Variants in CCDC7 observed in about 807,000 individuals in gnomAD.
CCDC7 encodes coiled-coil domain-containing protein 7.
Under a neutral mutation model 196.9 loss-of-function variants are expected in CCDC7, and 183 were observed. The observed-to-expected ratio is 0.93, with a 90% CI of 0.82 to 1.05. The LOEUF (loss-of-function observed/expected upper bound fraction) is 1.05. Ranked by LOEUF, CCDC7 falls within the 50% of genes least tolerant of loss-of-function variation. CCDC7 has a pLI of 0.00. For missense variants in CCDC7, 1,540 were observed against 1,482.2 expected, an observed-to-expected ratio of 1.04 and a Z score of -0.64; for synonymous variants, 525 against 484.6, an observed-to-expected ratio of 1.08 and a Z score of -1.10.
At chr10:32,606,199 C>A (rs1352423650) in intron 18 of CCDC7, among the ~76,000 whole-genome samples, 1 of 152,190 alleles carries the variant, frequency 6.6e-6, no homozygotes, top group Non-Finnish European at 1.5e-5. Context: ...TGGTGTTAAG[C>A]CTGTAGCTGA....
intron 21 of CCDC7, among the ~76,000 whole-genome samples, chr10:32,671,955 G>A (rs2074141752): frequency 6.6e-6 from 1 of 152,192 alleles, no homozygotes; most frequent in South Asian, 2.1e-4. Context: ...AAGTTCTTCT[G>A]ATTTCTTTTT....
intron 32 of CCDC7, among the ~76,000 whole-genome samples, chr10:32,832,237 C>T (rs186223052): frequency 6.6e-6 from 1 of 152,184 alleles, no homozygotes; most frequent in East Asian, 1.9e-4. Flanking sequence ...TGCAGTGGCT[C>T]ATGCTTGTAA....
At chr10:32,512,982 A>G (rs1196018481) in intron 9 of CCDC7, 1 of 152,150 alleles carries the variant, frequency 6.6e-6, no homozygotes. Flanking sequence ...ATATAATAGA[A>G]ATTTCCCCCT....
intron 18 of CCDC7, among the ~76,000 whole-genome samples, chr10:32,620,487 A>G (rs1402296880): frequency 6.7e-6 from 1 of 150,026 alleles, no homozygotes; most frequent in Non-Finnish European, 1.5e-5. Context: ...TTTCTGTTTT[A>G]TAGTTACCCT....
chr10:32,868,558 T>A (rs1175390855), intron 41 of CCDC7, among the ~76,000 whole-genome samples: 1 of 151,950 alleles, frequency 6.6e-6, no homozygotes, highest in East Asian at 1.9e-4. Context: ...TTTTAGCATT[T>A]ATCAGCACAT....
chr10:32,578,110 C>T (rs2058400117), intron 16 of CCDC7, among the ~76,000 whole-genome samples: 2 of 152,132 alleles, frequency 1.3e-5, no homozygotes, highest in South Asian at 2.1e-4. Flanking sequence ...GATGCCTAGA[C>T]CTCTTCCAAG....
At chr10:32,470,928 T>A in intron 5 of CCDC7, 136 bp from the exon 7 acceptor site, 1 of 759,528 alleles carries the variant, frequency 1.3e-6, no homozygotes, top group Non-Finnish European at 1.9e-6. Context: ...AAATATTGTA[T>A]CATTACTTGG....
intron 18 of CCDC7, among the ~76,000 whole-genome samples, chr10:32,624,353 AGGC>A (rs1199628283): frequency 6.6e-6 from 1 of 152,218 alleles, no homozygotes; most frequent in African/African-American, 2.4e-5. Flanking sequence ...AAAGAGCTGC[AGGC>A]TTAGCATACA....
chr10:32,758,335 G>A (rs1265907540), intron 28 of CCDC7, among the ~76,000 whole-genome samples: 2 of 152,104 alleles, frequency 1.3e-5, no homozygotes, highest in African/African-American at 2.4e-5. Context: ...GATGAGCATT[G>A]ATGCAAAAAT....
At chr10:32,830,683 A>T (rs2092074116) in intron 32 of CCDC7, among the ~76,000 whole-genome samples, 1 of 152,188 alleles carries the variant, frequency 6.6e-6, no homozygotes. Flanking sequence ...CGTTGATAGT[A>T]CAATAACTGA....
intron 32 of CCDC7, among the ~76,000 whole-genome samples, chr10:32,832,483 A>G (rs915134156): frequency 1.3e-5 from 2 of 151,820 alleles, no homozygotes; most frequent in African/African-American, 4.8e-5. Context: ...ATCTTGGGGG[A>G]AAAAAAACCC....
chr10:32,847,071 G>A (rs1251586942), intron 37 of CCDC7, among the ~76,000 whole-genome samples: 3 of 152,132 alleles, frequency 2.0e-5, no homozygotes, highest in African/African-American at 7.2e-5. Flanking sequence ...AGACACATTC[G>A]AAGCCGGCCC....
At chr10:32,868,109 T>G (rs915103614) in intron 41 of CCDC7, among the ~76,000 whole-genome samples, 1 of 151,994 alleles carries the variant, frequency 6.6e-6, no homozygotes, top group African/African-American at 2.4e-5. Context: ...CTTCCTTTAT[T>G]TAACTGAATC....
intron 15 of CCDC7, 32 bp downstream of exon 16, chr10:32,567,923 A>G (rs2057060338): frequency 2.6e-6 from 4 of 1,553,222 alleles, no homozygotes; most frequent in Non-Finnish European, 3.5e-6. Context: ...AGACAGTAGT[A>G]TATGTTGTGA....
chr10:32,529,886 G>C (rs1251321452), intron 11 of CCDC7, among the ~76,000 whole-genome samples: 1 of 152,148 alleles, frequency 6.6e-6, no homozygotes, highest in Non-Finnish European at 1.5e-5. Flanking sequence ...TTATCTTCTA[G>C]AATCTTTACG....
chr10:32,665,260 G>T (rs1282319256), intron 21 of CCDC7, among the ~76,000 whole-genome samples: 3 of 151,848 alleles, frequency 2.0e-5, no homozygotes, highest in Admixed American at 1.3e-4. Flanking sequence ...CATGCAATAG[G>T]CTATTTATTC....
At chr10:32,731,912 G>A (rs10827117) in intron 28 of CCDC7, among the ~76,000 whole-genome samples, 10 of 152,054 alleles carry the variant, frequency 6.6e-5, no homozygotes, top group African/African-American at 2.4e-4. Context: ...AATTAGCGGC[G>A]CATGGTGGCA....
chr10:32,618,240 GAT>G (rs989589128), intron 18 of CCDC7, among the ~76,000 whole-genome samples: 8 of 151,742 alleles, frequency 5.3e-5, no homozygotes, highest in African/African-American at 1.9e-4. Context: ...GGTTAATATT[GAT>G]ATATGAGGCT....
chr10:32,597,908 C>G (rs956084301), intron 18 of CCDC7, among the ~76,000 whole-genome samples: 3 of 152,138 alleles, frequency 2.0e-5, no homozygotes, highest in African/African-American at 7.2e-5. Flanking sequence ...GTGTCAGTCG[C>G]CCCCCTACTG....
Sources: gnomAD v4.1 joint callset for allele counts (sites outside exome capture counted in the v4.1 genomes callset) on GRCh38, gnomAD v4.1.1 for gene constraint, MANE v1.5 for transcripts, NCBI Gene and HGNC (gene_info 2026-07-23, HGNC 2026-07-21) for gene names.